The following HTR4 variants were observed in gnomAD, a reference collection of about 807,000 sequenced individuals.
HTR4 encodes 5-hydroxytryptamine receptor 4, also known as 5-hydroxytryptamine (serotonin) receptor 4, G protein-coupled.
HTR4 carries 16 observed loss-of-function variants against 36.8 expected under a neutral mutation model. The observed-to-expected ratio is 0.43, with a 90% CI of 0.29 to 0.66. The LOEUF is 0.66. Ranked by LOEUF, HTR4 falls within the 30% of genes least tolerant of loss-of-function variation. The pLI, the probability that HTR4 is intolerant of heterozygous loss-of-function variation, is 0.13. For missense variants in HTR4, 438 were observed against 490.9 expected (o/e 0.89, Z 1.02); for synonymous variants, 189 against 185.1 (o/e 1.02, Z -0.17).
intron 2 of HTR4, among the ~76,000 whole-genome samples, chr5:148,609,177 T>C (rs1279644915): frequency 1.3e-5 from 2 of 152,250 alleles, no homozygotes; most frequent in Non-Finnish European, 2.9e-5. Flanking sequence ...GCACTACTTA[T>C]AATGGCATTG....
At chr5:148,588,601 C>T (rs954653785) in intron 2 of HTR4, among the ~76,000 whole-genome samples, 1 of 139,894 alleles carries the variant, frequency 7.1e-6, no homozygotes, top group Non-Finnish European at 1.5e-5. Flanking sequence ...ACTGCAGTGG[C>T]GCAATCTCGG....
At chr5:148,560,133 G>T (rs1046899658) in intron 2 of HTR4, among the ~76,000 whole-genome samples, 15 of 141,710 alleles carry the variant, frequency 1.1e-4, no homozygotes, top group Non-Finnish European at 1.8e-4. Flanking sequence ...TTGGGTTCTT[G>T]TACTAAGTTC....
chr5:148,533,204 A>C (rs544027951), intron 4 of HTR4, among the ~76,000 whole-genome samples: 1 of 152,356 alleles, frequency 6.6e-6, no homozygotes, highest in South Asian at 2.1e-4. Context: ...GGTATCTCCC[A>C]TTCTTCCTTA....
At chr5:148,595,081 GTT>G (rs573047355) in intron 2 of HTR4, among the ~76,000 whole-genome samples, 3 of 144,978 alleles carry the variant, frequency 2.1e-5, no homozygotes, top group Non-Finnish European at 3.0e-5. Context: ...TCTGAAAACA[GTT>G]TTTTTTTTTT....
intron 2 of HTR4, among the ~76,000 whole-genome samples, chr5:148,604,499 C>G (rs1752060387): frequency 1.3e-5 from 2 of 152,088 alleles, no homozygotes; most frequent in Admixed American, 1.3e-4. Flanking sequence ...AAACCTGCTA[C>G]TAACTCAATG....
At chr5:148,633,815 T>C (rs570325037) in intron 2 of HTR4, among the ~76,000 whole-genome samples, 23 of 152,224 alleles carry the variant, frequency 1.5e-4, no homozygotes, top group African/African-American at 5.3e-4. Context: ...TTGGCCATGA[T>C]TGCATTTTCT....
At chr5:148,554,308 C>G (rs1223016713) in intron 2 of HTR4, among the ~76,000 whole-genome samples, 1 of 152,140 alleles carries the variant, frequency 6.6e-6, no homozygotes, top group East Asian at 1.9e-4. Context: ...CTTCTGACCT[C>G]AGGTGATCCG....
intron 2 of HTR4, among the ~76,000 whole-genome samples, chr5:148,551,555 T>C (rs1759691095): frequency 6.6e-6 from 1 of 152,238 alleles, no homozygotes; most frequent in Non-Finnish European, 1.5e-5. Context: ...ATCTGCAGAT[T>C]AATATTCAGA....
At chr5:148,544,706 A>G (rs1363593044) in intron 4 of HTR4, among the ~76,000 whole-genome samples, 1 of 152,206 alleles carries the variant, frequency 6.6e-6, no homozygotes, top group African/African-American at 2.4e-5. Flanking sequence ...AGGAGGCAAT[A>G]AATTCTTATT....
At chr5:148,611,203 G>C (rs1324608462) in intron 2 of HTR4, among the ~76,000 whole-genome samples, 1 of 145,416 alleles carries the variant, frequency 6.9e-6, no homozygotes, top group African/African-American at 2.5e-5. Context: ...CTCGAGAAGA[G>C]CAACTCCAAG....
intron 2 of HTR4, among the ~76,000 whole-genome samples, chr5:148,623,570 A>T (rs1205333085): frequency 6.6e-6 from 1 of 152,150 alleles, no homozygotes; most frequent in Non-Finnish European, 1.5e-5. Flanking sequence ...CTTCACTGAT[A>T]TATGTAATAA....
At chr5:148,464,986 T>C (rs1418542286) in intron 5 of HTR4, among the ~76,000 whole-genome samples, 2 of 152,164 alleles carry the variant, frequency 1.3e-5, no homozygotes, top group Non-Finnish European at 2.9e-5. Flanking sequence ...GTTTATGCAC[T>C]GTATTATTTC....
At chr5:148,601,224 T>G (rs948721438) in intron 2 of HTR4, among the ~76,000 whole-genome samples, 3 of 152,004 alleles carry the variant, frequency 2.0e-5, no homozygotes, top group Non-Finnish European at 4.4e-5. Context: ...AAGGAACCCC[T>G]ACTACACTGG....
At chr5:148,492,677 G>A (rs564329386) in intron 6 of HTR4, among the ~76,000 whole-genome samples, 7 of 152,306 alleles carry the variant, frequency 4.6e-5, no homozygotes, top group East Asian at 1.9e-4. Flanking sequence ...ATCCCTGAAC[G>A]GATGTTATCA....
intron 1 of HTR4, among the ~76,000 whole-genome samples, chr5:148,650,518 C>A (rs1458587327): frequency 6.6e-6 from 1 of 151,998 alleles, no homozygotes. Context: ...AAGTCAACAG[C>A]ATGCAGAATG....
At chr5:148,478,226 G>A (rs1217471269), downstream of HTR4, among the ~76,000 whole-genome samples, 1 of 152,192 alleles carries the variant, frequency 6.6e-6, no homozygotes, top group African/African-American at 2.4e-5. Context: ...CGCACAGTAA[G>A]TGCTAAATCA....
At chr5:148,496,046 G>A (rs960175735) in intron 6 of HTR4, among the ~76,000 whole-genome samples, 1 of 152,192 alleles carries the variant, frequency 6.6e-6, no homozygotes, top group Non-Finnish European at 1.5e-5. Context: ...GTTGCAGTAA[G>A]CCGAAATCGC....
chr5:148,525,658 C>G (rs193120648), intron 4 of HTR4, among the ~76,000 whole-genome samples: 112 of 152,290 alleles, frequency 7.4e-4, no homozygotes, highest in African/African-American at 2.6e-3. Flanking sequence ...GCAGCATGCT[C>G]TTACCCATCA....
intron 1 of HTR4, among the ~76,000 whole-genome samples, chr5:148,639,744 C>A (rs531422522): frequency 5.8e-4 from 87 of 150,770 alleles, no homozygotes; most frequent in African/African-American, 2.1e-3. Flanking sequence ...TCTTCAGTGC[C>A]CTCGAGAAAT....
Sources: gnomAD v4.1 joint callset for allele counts (sites outside exome capture counted in the v4.1 genomes callset) on GRCh38, gnomAD v4.1.1 for gene constraint, MANE v1.5 for transcripts, NCBI Gene and HGNC (gene_info 2026-07-23, HGNC 2026-07-21) for gene names.